The following RYR2 variants were observed in gnomAD, a reference collection of about 807,000 sequenced individuals.
RYR2 encodes ryanodine receptor 2.
A neutral mutation model predicts 601.1 loss-of-function variants in RYR2; 227 were observed. The ratio of observed to expected loss-of-function variants is 0.38; its 90% CI spans 0.34 to 0.42. The LOEUF (loss-of-function observed/expected upper bound fraction) is 0.42, where lower values mean the gene tolerates loss of function less well. RYR2 is among the 10% of genes least tolerant of loss of function. RYR2 has a pLI of 1.00. For synonymous variants in RYR2, 2,223 were observed against 2,175.1 expected, an observed-to-expected ratio of 1.02 and a Z score of -0.61; for missense variants, 4,646 against 6,156.5, an observed-to-expected ratio of 0.75 and a Z score of 8.21.
At chr1:237,821,789 A>C (rs914159294) in intron 101 of RYR2, among the ~76,000 whole-genome samples, 2 of 152,010 alleles carry the variant, frequency 1.3e-5, no homozygotes, top group Non-Finnish European at 2.9e-5. Context: ...AAAAAGTTAG[A>C]TGAATTGCTA....
At chr1:237,562,115 T>G (rs895257586) in intron 27 of RYR2, among the ~76,000 whole-genome samples, 9 of 152,222 alleles carry the variant, frequency 5.9e-5, no homozygotes, top group Non-Finnish European at 1.5e-5. Flanking sequence ...TGCTTACATA[T>G]TCCAGATAAA....
chr1:237,441,502 A>ATTT lies in RYR2; in HGVS notation c.1170+19_1170+20insTTT. On this transcript the variant is annotated intron_variant, in intron 13 of 104. Transcript: ENST00000366574. ...ACGTAAGGTAAGGTGATAGAAAAAA[A>ATTT]CATAATTTATAGAAGTAATTTTTTA... is the stretch of plus-strand genomic sequence containing the variant. 1 of 1,446,918 alleles carries ATTT rather than the reference A, an allele frequency of 6.9e-7. No homozygotes were observed. Among genetic ancestry groups the ATTT allele is most frequent in the Non-Finnish European group, 9.2e-7 (1 of 1,092,734 alleles). The allele number at this position is 1,446,918 out of a possible 1,614,324, so 89.6% of individuals were successfully genotyped here.
intron 2 of RYR2, among the ~76,000 whole-genome samples, chr1:237,293,957 G>T (rs1373769988): frequency 2.0e-5 from 3 of 152,098 alleles, no homozygotes; most frequent in African/African-American, 7.2e-5. Context: ...AAGGCTTAAA[G>T]TTCTGACCCC....
intron 66 of RYR2, among the ~76,000 whole-genome samples, chr1:237,703,000 G>A (rs1688087042): frequency 6.6e-6 from 1 of 151,896 alleles, no homozygotes; most frequent in Non-Finnish European, 1.5e-5. Context: ...TATTAAGGAA[G>A]TATAATAATT....
intron 96 of RYR2, 49 bp from the exon 97 acceptor site, chr1:237,797,988 T>C (rs1199406408): frequency 2.0e-6 from 3 of 1,523,600 alleles, no homozygotes; most frequent in Non-Finnish European, 2.7e-6. Flanking sequence ...ATATAGATGA[T>C]GTTACTTAAT....
intron 1 of RYR2, among the ~76,000 whole-genome samples, chr1:237,095,974 A>T (rs1667465238): frequency 1.3e-5 from 2 of 152,220 alleles, no homozygotes; most frequent in Admixed American, 1.3e-4. Context: ...CTACTAGAAT[A>T]GTTTTCATTT....
intron 8 of RYR2, among the ~76,000 whole-genome samples, chr1:237,379,598 T>G (rs1701285618): frequency 6.6e-6 from 1 of 152,210 alleles, no homozygotes; most frequent in African/African-American, 2.4e-5. Context: ...TTACAAGTGA[T>G]TTCCAAACTA....
At chr1:237,463,132 T>A (rs1468685307) in intron 16 of RYR2, among the ~76,000 whole-genome samples, 1 of 152,184 alleles carries the variant, frequency 6.6e-6, no homozygotes, top group Non-Finnish European at 1.5e-5. Context: ...GAGCATCTAC[T>A]TGTTAATCTC....
rs1296368657 is a variant in RYR2 at position 237,152,846 on chromosome 1, A to G, written c.48+110277A>G. 2.6e-5 allele frequency among the ~76,000 whole-genome samples: 4 copies of G among 152,240 alleles called. No homozygotes were observed. The South Asian group carries it at 8.3e-4, about 31-fold the overall frequency. ...CTAAAGAGCCTGTGGACAGCAAAAG[A>G]AACTATCATCAGAGCAAACAGGCAA... On this transcript the variant is annotated intron_variant, in intron 1 of 104. Transcript: ENST00000366574.
chr1:237,590,409 TCTGA>T (rs1675024183), intron 30 of RYR2, among the ~76,000 whole-genome samples: 3 of 152,148 alleles, frequency 2.0e-5, no homozygotes, highest in African/African-American at 7.2e-5. Flanking sequence ...TCAGGCTGAA[TCTGA>T]ATATATAGAA....
chr1:237,324,291 C>G (rs1410794647), intron 2 of RYR2, among the ~76,000 whole-genome samples: 3 of 152,088 alleles, frequency 2.0e-5, no homozygotes, highest in Admixed American at 2.0e-4. Context: ...GTTCATGTCT[C>G]TAGTTGGTAA....
intron 1 of RYR2, among the ~76,000 whole-genome samples, chr1:237,202,321 C>T (rs78578141): frequency 0.019 from 2,829 of 152,236 alleles, 37 homozygotes; most frequent in African/African-American, 0.04. Context: ...AGCACTTGAA[C>T]ATTGGGAATA....
Position 237,092,165 on chromosome 1 carries a change from G to A in RYR2, c.48+49596G>A, listed in dbSNP as rs369750401. ...GAGAAAAGATCTACCATAAGGATGCGTTGTATAATGGGCTGTAGTCTGCCC... is the reference window on the plus strand; with the variant it reads ...GAGAAAAGATCTACCATAAGGATGCATTGTATAATGGGCTGTAGTCTGCCC... On this transcript the variant is annotated intron_variant, in intron 1 of 104. Transcript: ENST00000366574. Among the ~76,000 whole-genome samples, 55 of 152,320 alleles carry A rather than the reference G, an allele frequency of 3.6e-4. 1 individual carries two copies. Among genetic ancestry groups the A allele is most frequent in the African/African-American group, 1.2e-3 (51 of 41,574 alleles).
chr1:237,727,376 T>C (rs1319944589), intron 76 of RYR2, among the ~76,000 whole-genome samples, 177 bp downstream of exon 76: 1 of 152,182 alleles, frequency 6.6e-6, no homozygotes, highest in Non-Finnish European at 1.5e-5. Flanking sequence ...AGAACTGTGG[T>C]CTTTAATGTA....
chr1:237,232,507 A>G (rs1432024725), intron 1 of RYR2, among the ~76,000 whole-genome samples: 1 of 152,094 alleles, frequency 6.6e-6, no homozygotes, highest in Admixed American at 6.6e-5. Flanking sequence ...CTTTATCTGT[A>G]TCCTTTGCAA....
chr1:237,420,566 G>A (rs746793250), intron 11 of RYR2, among the ~76,000 whole-genome samples: 12 of 152,164 alleles, frequency 7.9e-5, no homozygotes, highest in Non-Finnish European at 1.3e-4. Context: ...GTGAGACCAG[G>A]CTAGTTTGAG....
chr1:237,611,766 A>G (rs907474813), intron 36 of RYR2, among the ~76,000 whole-genome samples: 1 of 152,206 alleles, frequency 6.6e-6, no homozygotes, highest in Non-Finnish European at 1.5e-5. Flanking sequence ...TCTGAAAATA[A>G]TTATTGAAGC....
intron 15 of RYR2, 61 bp from the exon 16 acceptor site, chr1:237,456,539 T>G: frequency 7.0e-7 from 1 of 1,428,230 alleles, no homozygotes; most frequent in South Asian, 1.7e-5. Context: ...ATTTTTAGTC[T>G]GTAAGCAGAA....
intron 60 of RYR2, among the ~76,000 whole-genome samples, chr1:237,677,152 A>G (rs1183459606): frequency 6.6e-6 from 1 of 152,076 alleles, no homozygotes; most frequent in African/African-American, 2.4e-5. Context: ...ATCTCAAGTT[A>G]TTATTATTAT....
Sources: allele counts gnomAD v4.1 joint callset (sites outside exome capture counted in the v4.1 genomes callset), GRCh38; gene constraint gnomAD v4.1.1; transcripts MANE v1.5; gene names NCBI Gene and HGNC (gene_info 2026-07-23, HGNC 2026-07-21).